Variants in PTPRN2 observed in about 807,000 individuals in gnomAD.
PTPRN2 encodes protein tyrosine phosphatase receptor type N2.
A neutral mutation model predicts 118.8 loss-of-function variants in PTPRN2; 74 were observed. That is an observed-to-expected ratio of 0.62 (90% confidence interval 0.52 to 0.76). The LOEUF (loss-of-function observed/expected upper bound fraction) is 0.76, where lower values mean the gene tolerates loss of function less well. Ranked by LOEUF, PTPRN2 falls within the 30% of genes least tolerant of loss-of-function variation. The pLI is 0.00. For synonymous variants in PTPRN2, 641 were observed against 608.0 expected, an observed-to-expected ratio of 1.05 and a Z score of -0.80; for missense variants, 1,481 against 1,394.4, an observed-to-expected ratio of 1.06 and a Z score of -0.99.
chr7:158,092,933 C>T (rs1814313064), intron 10 of PTPRN2, among the ~76,000 whole-genome samples: 1 of 152,204 alleles, frequency 6.6e-6, no homozygotes, highest in African/African-American at 2.4e-5. Context: ...AAAATTTGAC[C>T]TAAGGCAACT....
At chr7:157,830,039 T>A (rs1002082545) in intron 12 of PTPRN2, among the ~76,000 whole-genome samples, 5 of 152,098 alleles carry the variant, frequency 3.3e-5, no homozygotes, top group Admixed American at 6.5e-5. Flanking sequence ...TCCCCCGTGT[T>A]ACCACCCCCT....
At chr7:157,802,853 A>G (rs1454246066) in intron 12 of PTPRN2, among the ~76,000 whole-genome samples, 2 of 152,192 alleles carry the variant, frequency 1.3e-5, no homozygotes, top group Admixed American at 6.5e-5. Context: ...TGTGTTGGCC[A>G]TTTGTATGCC....
intron 3 of PTPRN2, among the ~76,000 whole-genome samples, chr7:158,229,886 G>A (rs1829053669): frequency 6.6e-6 from 1 of 152,054 alleles, no homozygotes; most frequent in African/African-American, 2.4e-5. Context: ...TCTAGGTACA[G>A]GAAGGTCAGA....
At position 157,986,168 on chromosome 7, in the gene PTPRN2, C is replaced by T. The variant is rs535618085; in HGVS notation, c.1724-87431G>A. ...AGATACCCTCATCTACAGCCCCGCT[C>T]TCGTATGTCCGGGGGAAGCTATGGA... On this transcript the variant is annotated intron_variant, in intron 11 of 22. Coordinates refer to ENST00000389418, the MANE Select transcript of PTPRN2 (RefSeq NM_002847.5). This position sits in a 1 kb window ranked among gnomAD's most constrained non-coding sequence, Gnocchi z 4.5. 1.3e-5 allele frequency among the ~76,000 whole-genome samples: 2 copies of T among 152,324 alleles called. No homozygotes were observed. Among genetic ancestry groups the T allele is most frequent in the African/African-American group, 2.4e-5 (1 of 41,582 alleles).
intron 1 of PTPRN2, among the ~76,000 whole-genome samples, chr7:158,492,813 G>A (rs1307466989): frequency 1.3e-5 from 2 of 152,224 alleles, no homozygotes; most frequent in African/African-American, 4.8e-5. Flanking sequence ...GGCAGACACT[G>A]GTTCAACCCA....
chr7:157,665,347 G>C (rs532127585), intron 13 of PTPRN2, among the ~76,000 whole-genome samples: 3 of 152,250 alleles, frequency 2.0e-5, no homozygotes, highest in African/African-American at 7.2e-5. Flanking sequence ...TGGCATTTGC[G>C]TGACTCAATA....
At chr7:158,538,370 T>C (rs1272769978) in intron 1 of PTPRN2, among the ~76,000 whole-genome samples, 2 of 152,214 alleles carry the variant, frequency 1.3e-5, no homozygotes, top group African/African-American at 2.4e-5. Context: ...CCCTCACCCC[T>C]GCGCGGCGTG....
intron 5 of PTPRN2, among the ~76,000 whole-genome samples, chr7:158,187,251 G>A (rs985787278): frequency 6.6e-6 from 1 of 152,348 alleles, no homozygotes; most frequent in South Asian, 2.1e-4. Flanking sequence ...GACGTCACCA[G>A]CATGAAGGCC....
intron 12 of PTPRN2, among the ~76,000 whole-genome samples, chr7:157,846,844 G>T (rs12672719): frequency 4.2e-3 from 196 of 46,936 alleles, no homozygotes; most frequent in Admixed American, 6.2e-3. Flanking sequence ...GCCCGATGTC[G>T]ACAGAGCCCT....
rs375462868 is a variant in PTPRN2, at chr7:157,648,804, A to G, written c.2196+7553T>C. Among the ~76,000 whole-genome samples the G allele has an allele frequency of 6.7e-3, 547 of 81,248 alleles. 8 individuals carry two copies. The highest frequency in any genetic ancestry group is 0.022 in the East Asian group (42 of 1,934). The allele number at this position is 81,248 out of a possible 152,430, so 53.3% of individuals were successfully genotyped here. On this transcript the variant is annotated intron_variant, in intron 14 of 22. Transcript: ENST00000389418. Reference sequence around the variant, plus strand: ...CACTGTGCACTGAACTCGGTGGGTCAGACCCATCCAGCGTGCACTGAACTC... The same window carrying G: ...CACTGTGCACTGAACTCGGTGGGTCGGACCCATCCAGCGTGCACTGAACTC...
At chr7:158,432,315 C>T (rs879776302) in intron 2 of PTPRN2, among the ~76,000 whole-genome samples, 12 of 152,230 alleles carry the variant, frequency 7.9e-5, no homozygotes, top group Non-Finnish European at 1.2e-4. Flanking sequence ...AGGCTCCTTC[C>T]CTGAACAAGC....
intron 12 of PTPRN2, among the ~76,000 whole-genome samples, chr7:157,882,928 AT>A (rs1796230856): frequency 6.6e-6 from 1 of 150,568 alleles, no homozygotes; most frequent in Middle Eastern, 3.6e-3. Context: ...CCACCCCAAA[AT>A]TGACTGTTGG....
chr7:158,330,215 C>G (rs202051849), intron 2 of PTPRN2, among the ~76,000 whole-genome samples: 166 of 27,206 alleles, frequency 6.1e-3, no homozygotes, highest in South Asian at 9.4e-3. Context: ...ACCATAAGAG[C>G]TGACACCTGC....
At chr7:158,072,823 G>C (rs549431258) in intron 11 of PTPRN2, among the ~76,000 whole-genome samples, 3 of 152,210 alleles carry the variant, frequency 2.0e-5, no homozygotes, top group Non-Finnish European at 2.9e-5. Context: ...AGTTTCAGAT[G>C]CCAACGGGCT....
intron 2 of PTPRN2, among the ~76,000 whole-genome samples, chr7:158,407,819 G>T (rs1035800949): frequency 6.6e-6 from 1 of 152,220 alleles, no homozygotes; most frequent in Non-Finnish European, 1.5e-5. Context: ...TGGAACCATC[G>T]CCGTGCTCAG....
chr7:157,939,795 A>AT (rs1039787095), intron 11 of PTPRN2, among the ~76,000 whole-genome samples: 10 of 152,134 alleles, frequency 6.6e-5, no homozygotes, highest in African/African-American at 2.2e-4. Context: ...GGATAGGTGC[A>AT]TTTGGCTGGG....
At chr7:158,203,043 C>T (rs1329971188) in intron 4 of PTPRN2, among the ~76,000 whole-genome samples, 1 of 151,770 alleles carries the variant, frequency 6.6e-6, no homozygotes, top group East Asian at 1.9e-4. Flanking sequence ...ACCAGCCTGG[C>T]CAACACGGCA....
intron 2 of PTPRN2, among the ~76,000 whole-genome samples, chr7:158,463,633 C>CTATCAT (rs57114918): frequency 2.6e-5 from 4 of 151,210 alleles, no homozygotes; most frequent in African/African-American, 9.7e-5. Flanking sequence ...ATCATCAACA[C>CTATCAT]CATCATCATC....
At chr7:157,945,186 G>A (rs1275367077) in intron 11 of PTPRN2, among the ~76,000 whole-genome samples, 1 of 152,118 alleles carries the variant, frequency 6.6e-6, no homozygotes, top group Non-Finnish European at 1.5e-5. Flanking sequence ...GTTCAGGGCT[G>A]ACTCCTCCCT....
Sources: allele counts gnomAD v4.1 joint callset (sites outside exome capture counted in the v4.1 genomes callset), GRCh38; gene constraint gnomAD v4.1.1; non-coding constraint Gnocchi (gnomAD v3.1); transcripts MANE v1.5; gene names NCBI Gene and HGNC (gene_info 2026-07-23, HGNC 2026-07-21).